Variants in GADL1 observed in about 807,000 individuals in gnomAD.
The protein encoded by GADL1 is GAD like acidic amino acid decarboxylase 1, also known as acidic amino acid decarboxylase GADL1.
Under a neutral mutation model 69.5 loss-of-function variants are expected in GADL1, and 71 were observed. The ratio of observed to expected loss-of-function variants is 1.02; its 90% CI spans 0.84 to 1.25. GADL1 has a LOEUF of 1.25. GADL1 is among the 50% of genes most tolerant of loss of function. The probability of loss-of-function intolerance (pLI) is 0.00; values close to 1 mark genes in which losing one functional copy is unlikely to be tolerated. For missense variants in GADL1, 737 were observed against 631.8 expected (o/e 1.17, Z -1.79); for synonymous variants, 254 against 214.4 (o/e 1.18, Z -1.62).
chr3:30,799,374 C>A (rs1036841139), intron 12 of GADL1: 1 of 152,278 alleles, frequency 6.6e-6, no homozygotes, highest in African/African-American at 2.4e-5. Context: ...CCCTCTGAAA[C>A]CATGGGCTGA....
At chr3:30,831,640 A>T (rs1334260503) in intron 11 of GADL1, among the ~76,000 whole-genome samples, 1 of 151,904 alleles carries the variant, frequency 6.6e-6, no homozygotes, top group Non-Finnish European at 1.5e-5. Context: ...GCCTTATGGT[A>T]ACAACCCGTA....
chr3:30,819,883 G>A (rs1575220140), intron 11 of GADL1, among the ~76,000 whole-genome samples: 1 of 151,906 alleles, frequency 6.6e-6, no homozygotes, highest in African/African-American at 2.4e-5. Context: ...AACTAGAGCA[G>A]AAAATTAATA....
chr3:30,816,530 CTTTTTTTTTTTTTTTT>C (rs773530741), intron 11 of GADL1, among the ~76,000 whole-genome samples: 288 of 53,972 alleles, frequency 5.3e-3, no homozygotes, highest in Non-Finnish European at 8.7e-3. Flanking sequence ...AATTTGTTTT[CTTTTTTTTTTTTTTTT>C]TTTTTTTTTT....
intron 11 of GADL1, among the ~76,000 whole-genome samples, chr3:30,816,059 G>T (rs989995767): frequency 1.3e-5 from 2 of 152,128 alleles, no homozygotes; most frequent in Non-Finnish European, 2.9e-5. Flanking sequence ...TTATCCACTT[G>T]TTTTATCTGT....
chr3:30,828,335 T>A (rs569595697), intron 11 of GADL1, among the ~76,000 whole-genome samples: 91 of 151,996 alleles, frequency 6.0e-4, no homozygotes, highest in African/African-American at 2.1e-3. Context: ...TTCTGTCTTT[T>A]CCTGGTGACC....
chr3:30,879,703 G>A (rs1698619057), intron 1 of GADL1, among the ~76,000 whole-genome samples: 1 of 151,876 alleles, frequency 6.6e-6, no homozygotes, highest in African/African-American at 2.4e-5. Flanking sequence ...TGCCAGAAAT[G>A]GAGATTTTTC....
chr3:30,828,487 G>GT (rs67344187), intron 11 of GADL1, among the ~76,000 whole-genome samples: 2 of 147,846 alleles, frequency 1.4e-5, no homozygotes, highest in Admixed American at 6.8e-5. Context: ...AGTGGGGGGG[G>GT]TGCGGGGGAG....
At chr3:30,781,125 G>C (rs7637648) in intron 13 of GADL1, among the ~76,000 whole-genome samples, 2,489 of 152,190 alleles carry the variant, frequency 0.016, 74 homozygotes, top group African/African-American at 0.058. Flanking sequence ...AGGAGTCCAA[G>C]TATCTAGTGA....
At chr3:30,752,295 T>G (rs1695841565) in intron 14 of GADL1, among the ~76,000 whole-genome samples, 1 of 151,074 alleles carries the variant, frequency 6.6e-6, no homozygotes, top group Non-Finnish European at 1.5e-5. Flanking sequence ...ACAGCTTAAC[T>G]TTCATTTCAG....
At chr3:30,782,918 GTAGT>G (rs1696699018) in intron 13 of GADL1, among the ~76,000 whole-genome samples, 1 of 152,266 alleles carries the variant, frequency 6.6e-6, no homozygotes, top group African/African-American at 2.4e-5. Flanking sequence ...CAATTAGGAG[GTAGT>G]TATATAGTTT....
chr3:30,849,064 G>A (rs1698102331), intron 6 of GADL1, among the ~76,000 whole-genome samples: 1 of 152,116 alleles, frequency 6.6e-6, no homozygotes, highest in Non-Finnish European at 1.5e-5. Context: ...GGCCTGATGT[G>A]TTGCCATGCC....
intron 14 of GADL1, among the ~76,000 whole-genome samples, chr3:30,759,361 T>C (rs1265942101): frequency 6.6e-6 from 1 of 152,262 alleles, no homozygotes; most frequent in African/African-American, 2.4e-5. Flanking sequence ...CCCTTCTTTC[T>C]GTACCTCCAG....
chr3:30,834,364 G>T, intron 9 of GADL1, 83 bp from the exon 10 acceptor site: 2 of 1,066,892 alleles, frequency 1.9e-6, no homozygotes, highest in Non-Finnish European at 2.9e-6. Flanking sequence ...AACCCTCAGT[G>T]AGGACCTCAA....
intron 1 of GADL1, among the ~76,000 whole-genome samples, chr3:30,876,691 G>T (rs1369321516): frequency 1.3e-5 from 2 of 151,336 alleles, no homozygotes; most frequent in Admixed American, 1.3e-4. Flanking sequence ...ACCTACTCTT[G>T]CCCACTTACA....
At chr3:30,766,552 T>C (rs762720290) in intron 14 of GADL1, among the ~76,000 whole-genome samples, 5 of 123,022 alleles carry the variant, frequency 4.1e-5, no homozygotes, top group Non-Finnish European at 7.2e-5. Flanking sequence ...ATATCATTAC[T>C]GTGATTTTTT....
At chr3:30,774,127 G>T (rs918192365) in intron 14 of GADL1, among the ~76,000 whole-genome samples, 1 of 152,066 alleles carries the variant, frequency 6.6e-6, no homozygotes, top group Non-Finnish European at 1.5e-5. Context: ...CATTCCTAGG[G>T]AATACCTAGG....
chr3:30,774,728 G>A (rs546666385), intron 14 of GADL1, among the ~76,000 whole-genome samples: 1 of 151,976 alleles, frequency 6.6e-6, no homozygotes, highest in African/African-American at 2.4e-5. Context: ...GTATTTCATT[G>A]GTTTCATTTT....
intron 14 of GADL1, among the ~76,000 whole-genome samples, chr3:30,740,301 A>G (rs557579143): frequency 6.6e-6 from 1 of 152,294 alleles, no homozygotes; most frequent in East Asian, 1.9e-4. Context: ...TTTTGGGAAT[A>G]ACTGCAAAAT....
chr3:30,769,097 C>T (rs756169640), intron 14 of GADL1, among the ~76,000 whole-genome samples: 1 of 152,140 alleles, frequency 6.6e-6, no homozygotes, highest in Non-Finnish European at 1.5e-5. Flanking sequence ...AGAAATGTCA[C>T]AGTACTGTAC....
Sources: gnomAD v4.1 joint callset for allele counts (sites outside exome capture counted in the v4.1 genomes callset) on GRCh38, gnomAD v4.1.1 for gene constraint, MANE v1.5 for transcripts, NCBI Gene and HGNC (gene_info 2026-07-23, HGNC 2026-07-21) for gene names.